The following HGD variants were observed in gnomAD, a reference collection of about 807,000 sequenced individuals.
HGD encodes the protein homogentisate 1,2-dioxygenase.
A neutral mutation model predicts 60.8 loss-of-function variants in HGD; 61 were observed. The observed-to-expected ratio is 1.00, with a 90% CI of 0.82 to 1.24. The LOEUF is 1.24. Ranked by LOEUF, HGD falls within the 50% of genes most tolerant of loss-of-function variation. HGD has a pLI of 0.00. For synonymous variants in HGD, 212 were observed against 187.7 expected (o/e 1.13, Z -1.06); for missense variants, 542 against 547.1 (o/e 0.99, Z 0.09).
intron 1 of HGD, among the ~76,000 whole-genome samples, chr3:120,681,856 A>G (rs904242859): frequency 2.0e-5 from 3 of 152,220 alleles, no homozygotes; most frequent in Non-Finnish European, 2.9e-5. Flanking sequence ...TTCCAAGACA[A>G]TAATTGAAAT....
chr3:120,670,390 G>T, intron 4 of HGD, 37 bp downstream of exon 4: 2 of 979,302 alleles, frequency 2.0e-6, no homozygotes, highest in Non-Finnish European at 3.3e-6. Context: ...CAAGGCTTTG[G>T]GTATATGATA....
intron 8 of HGD, 108 bp downstream of exon 8, chr3:120,646,865 G>T: frequency 3.3e-6 from 3 of 909,870 alleles, no homozygotes; most frequent in Non-Finnish European, 3.7e-6. Context: ...CCTCCTCGTT[G>T]CCCAGACATG....
intron 1 of HGD, among the ~76,000 whole-genome samples, chr3:120,680,354 T>C (rs1708210021): frequency 1.3e-5 from 2 of 152,204 alleles, no homozygotes. Flanking sequence ...GTTTTCTGTG[T>C]TCAGATTCCT....
At chr3:120,674,826 A>G (rs1708091538) in intron 3 of HGD, 75 bp downstream of exon 3, 1 of 980,236 alleles carries the variant, frequency 1.0e-6, no homozygotes. Flanking sequence ...GCTGTGGCCC[A>G]GGGGAAGGAG....
Position 120,646,988 on chromosome 3 carries a change from C to G in HGD, c.534G>C (p.Glu178Asp). ...CATCACCAACCTGAATGACGCAGAT[C>G]TCATTGGGCTGTACAAGCATCTTGC... is the stretch of plus-strand genomic sequence containing the variant. ...EFGKMLVQPN[E>D]ICVIQRGMRF... Residue 178 changes from glutamate to aspartate, a missense_variant, in exon 8 of 14, where the codon GAG becomes GAC. By Grantham distance (45) the Glu-to-Asp change is conservative (BLOSUM62 2). This residue lies in a region of HGD where 537 missense variants were observed against 529.1 expected (regional missense o/e 1.01). Transcript: ENST00000283871. 6.2e-7 allele frequency: 1 copy of G among 1,613,762 alleles called. No individual in the cohort carries two copies. Among genetic ancestry groups the G allele is most frequent in the Non-Finnish European group, 8.5e-7 (1 of 1,179,684 alleles).
At chr3:120,631,481 CTTA>C (rs200967855) in intron 13 of HGD, among the ~76,000 whole-genome samples, 12,782 of 152,092 alleles carry the variant, frequency 0.084, 721 homozygotes, top group Middle Eastern at 0.16. Context: ...AATATACATA[CTTA>C]TTATGTATCC....
At chr3:120,642,227 C>T (rs760328983) in intron 10 of HGD, among the ~76,000 whole-genome samples, 2 of 152,144 alleles carry the variant, frequency 1.3e-5, no homozygotes, top group African/African-American at 4.8e-5. Context: ...CTGGTCCTGT[C>T]CTGGGGTAGA....
chr3:120,652,424 T>C (rs1941369128), intron 5 of HGD, among the ~76,000 whole-genome samples, 168 bp downstream of exon 5: 1 of 152,168 alleles, frequency 6.6e-6, no homozygotes, highest in African/African-American at 2.4e-5. Context: ...ATATGGTTTC[T>C]GTAAGTAAGA....
chr3:120,659,940 G>GC (rs1559794779), intron 4 of HGD, among the ~76,000 whole-genome samples: 4 of 127,724 alleles, frequency 3.1e-5, no homozygotes, highest in African/African-American at 1.1e-4. Context: ...GAGCAAGAGA[G>GC]AGTGGGGGGT....
At chr3:120,630,678 G>A (rs1360798550) in intron 13 of HGD, among the ~76,000 whole-genome samples, 1 of 151,680 alleles carries the variant, frequency 6.6e-6, no homozygotes, top group African/African-American at 2.4e-5. Flanking sequence ...AACTCTGGAA[G>A]ATGACCTAGG....
intron 10 of HGD, among the ~76,000 whole-genome samples, chr3:120,642,837 C>T (rs1302330140): frequency 6.6e-6 from 1 of 152,178 alleles, no homozygotes; most frequent in African/African-American, 2.4e-5. Flanking sequence ...TTGAACCCAA[C>T]AGAAACCAGC....
At chr3:120,629,363 G>T (rs1004395810) in intron 13 of HGD, among the ~76,000 whole-genome samples, 1 of 152,052 alleles carries the variant, frequency 6.6e-6, no homozygotes, top group African/African-American at 2.4e-5. Flanking sequence ...GAAAATAATA[G>T]AATTATCTTG....
intron 3 of HGD, among the ~76,000 whole-genome samples, chr3:120,673,579 C>G (rs985804994): frequency 6.6e-6 from 1 of 152,170 alleles, no homozygotes; most frequent in Admixed American, 6.5e-5. Context: ...AGAAATCTTT[C>G]TCTATCTCTT....
At chr3:120,638,216 A>G (rs1940844994) in intron 12 of HGD, among the ~76,000 whole-genome samples, 1 of 152,158 alleles carries the variant, frequency 6.6e-6, no homozygotes, top group Non-Finnish European at 1.5e-5. Context: ...ACCTCTTTTC[A>G]TTATAAATTA....
intron 3 of HGD, 25 bp downstream of exon 3, chr3:120,674,876 G>A (rs1347471197): frequency 1.6e-5 from 24 of 1,506,884 alleles, no homozygotes; most frequent in Non-Finnish European, 2.2e-5. Context: ...CAGTCTGCAG[G>A]TCAGAATTCA....
chr3:120,680,531 T>C (rs759219834), intron 1 of HGD, among the ~76,000 whole-genome samples: 5 of 152,208 alleles, frequency 3.3e-5, no homozygotes, highest in Non-Finnish European at 7.3e-5. Flanking sequence ...TAAAATTTAT[T>C]TATAAATGGT....
intron 4 of HGD, among the ~76,000 whole-genome samples, chr3:120,659,422 T>C (rs1941593714): frequency 6.6e-6 from 1 of 152,208 alleles, no homozygotes; most frequent in Non-Finnish European, 1.5e-5. Flanking sequence ...CACAGATCCC[T>C]AGGGCAGGAG....
At chr3:120,646,528 A>C (rs1259732328) in intron 8 of HGD, among the ~76,000 whole-genome samples, 162 bp from the exon 9 acceptor site, 1 of 152,140 alleles carries the variant, frequency 6.6e-6, no homozygotes, top group Non-Finnish European at 1.5e-5. Flanking sequence ...GAATTTTTTT[A>C]AAAAGAAATT....
At chr3:120,654,122 G>T (rs973722783) in intron 4 of HGD, among the ~76,000 whole-genome samples, 3 of 152,100 alleles carry the variant, frequency 2.0e-5, no homozygotes, top group Non-Finnish European at 4.4e-5. Context: ...TCCTTCTATA[G>T]TAACAGAGCA....
Sources: allele counts gnomAD v4.1 joint callset (sites outside exome capture counted in the v4.1 genomes callset), GRCh38; gene constraint gnomAD v4.1.1; regional missense constraint gnomAD v4.1.1; transcripts MANE v1.5; gene names NCBI Gene and HGNC (gene_info 2026-07-23, HGNC 2026-07-21).